The following NRG2 variants were observed in gnomAD, a reference collection of about 807,000 sequenced individuals.
NRG2 encodes neuregulin 2, also known as pro-neuregulin-2, membrane-bound isoform.
NRG2 carries 27 observed loss-of-function variants against 73.9 expected under a neutral mutation model. That is an observed-to-expected ratio of 0.37 (90% CI 0.27 to 0.50). The LOEUF is 0.50. Among genes scored for constraint, NRG2 ranks in the 20% least tolerant of loss-of-function variants. NRG2 has a pLI of 0.96. For missense variants in NRG2, 1,126 were observed against 1,210.1 expected (o/e 0.93, Z 1.03); for synonymous variants, 532 against 541.0 (o/e 0.98, Z 0.23).
At chr5:139,978,766 G>A (rs920079977) in intron 1 of NRG2, among the ~76,000 whole-genome samples, 61 of 151,900 alleles carry the variant, frequency 4.0e-4, no homozygotes, top group African/African-American at 1.2e-3. Context: ...TGGCACTATC[G>A]CAGCCACAAT....
At chr5:139,996,949 TG>T (rs1758060787) in intron 1 of NRG2, among the ~76,000 whole-genome samples, 1 of 152,136 alleles carries the variant, frequency 6.6e-6, no homozygotes, top group Non-Finnish European at 1.5e-5. Flanking sequence ...AAGACCAGCC[TG>T]GGCAACACAG....
chr5:139,964,607 T>C (rs890192284), intron 1 of NRG2, among the ~76,000 whole-genome samples: 6 of 152,094 alleles, frequency 3.9e-5, no homozygotes, highest in African/African-American at 1.2e-4. Context: ...GGGGAGTGTG[T>C]CCCAGATCTC....
At chr5:139,964,357 TACACACAC>T (rs71574473) in intron 1 of NRG2, among the ~76,000 whole-genome samples, 2,614 of 142,800 alleles carry the variant, frequency 0.018, 73 homozygotes, top group African/African-American at 0.063. Flanking sequence ...GAAATACAGA[TACACACAC>T]ACACACACAC....
intron 3 of NRG2, among the ~76,000 whole-genome samples, chr5:139,879,655 TG>T (rs1454066959): frequency 1.3e-5 from 2 of 152,060 alleles, no homozygotes; most frequent in Non-Finnish European, 2.9e-5. Context: ...TTCTATGGGG[TG>T]GGGAACATGA....
intron 1 of NRG2, among the ~76,000 whole-genome samples, chr5:140,016,477 A>T (rs1021456137): frequency 6.6e-6 from 1 of 152,216 alleles, no homozygotes; most frequent in Non-Finnish European, 1.5e-5. Flanking sequence ...GCTGTCATTC[A>T]TTCATAAAAT....
At chr5:139,861,242 T>G (rs1336994887) in intron 5 of NRG2, among the ~76,000 whole-genome samples, 3 of 152,206 alleles carry the variant, frequency 2.0e-5, no homozygotes, top group Non-Finnish European at 4.4e-5. Flanking sequence ...ACTCTCTGGC[T>G]TCCCCAGGTG....
intron 1 of NRG2, among the ~76,000 whole-genome samples, chr5:140,007,777 A>G (rs901375397): frequency 3.9e-5 from 6 of 152,208 alleles, no homozygotes; most frequent in Admixed American, 1.3e-4. Flanking sequence ...GAAGACAGAT[A>G]TTATGCCAGC....
intron 1 of NRG2, among the ~76,000 whole-genome samples, chr5:139,958,237 C>T (rs1382877071): frequency 6.6e-6 from 1 of 152,034 alleles, no homozygotes; most frequent in East Asian, 1.9e-4. Flanking sequence ...GATGTGTTCA[C>T]CTTGCTCTCA....
At position 139,887,361 on chromosome 5, in the gene NRG2, C is replaced by T. The variant is rs776469525; in HGVS notation, c.851G>A (p.Arg284His). The stretch of plus-strand genomic sequence containing the variant: ...TTACCTGCCGTTGCCATATTTGATG[C>T]GAATGTCTCGGCTGCGGTTGAGCTC... ...GKELNRSRDI[R>H]IKYGNGRKNS... Residue 284 changes from arginine to histidine, a missense_variant, in exon 2 of 10, where the codon CGC becomes CAC. Physicochemically the swap from Arg to His is conservative, Grantham distance 29. Coordinates refer to ENST00000361474, the MANE Select transcript of NRG2 (RefSeq NM_004883.3). This position sits in a 1 kb window ranked among gnomAD's most constrained non-coding sequence, Gnocchi z 4.5. 27 of 1,614,044 alleles carry T rather than the reference C, an allele frequency of 1.7e-5. No homozygotes were observed. The highest frequency in any genetic ancestry group is 9.9e-5 in the South Asian group (9 of 91,080).
chr5:139,962,924 T>C (rs1338248835), intron 1 of NRG2, among the ~76,000 whole-genome samples: 1 of 152,248 alleles, frequency 6.6e-6, no homozygotes, highest in Middle Eastern at 3.4e-3. Context: ...ACATATAACT[T>C]CTCTGGTTCA....
At chr5:139,888,444 T>G (rs1347216866) in intron 1 of NRG2, among the ~76,000 whole-genome samples, 1 of 152,204 alleles carries the variant, frequency 6.6e-6, no homozygotes, top group East Asian at 1.9e-4. Flanking sequence ...TCTGATTTTG[T>G]GGTCTTATTT....
Position 139,852,848 on chromosome 5 carries a change from G to A in NRG2, c.1416+56C>T. ...CCTGGCCCATCCTTGCAGGGGGCAT[G>A]AGAAGGCTGGCTGTCCACTGAGGGC... is the stretch of plus-strand genomic sequence containing the variant. On this transcript the variant is annotated intron_variant, in intron 7 of 9. Coordinates refer to ENST00000361474, the MANE Select transcript of NRG2 (RefSeq NM_004883.3). The surrounding 1 kb of genome is among the most constrained non-coding windows in gnomAD (Gnocchi z 4.4). 1.2e-6 allele frequency: 2 copies of A among 1,607,546 alleles called. No individual in the cohort carries two copies. The highest frequency in any genetic ancestry group is 2.2e-5 in the South Asian group (2 of 90,084).
chr5:139,977,757 C>T (rs1167492928), intron 1 of NRG2, among the ~76,000 whole-genome samples: 2 of 152,086 alleles, frequency 1.3e-5, no homozygotes, highest in Admixed American at 6.5e-5. Context: ...TATAGACCAA[C>T]GGAACAGAAC....
chr5:140,018,305 C>T (rs1252864709), intron 1 of NRG2, among the ~76,000 whole-genome samples: 1 of 152,022 alleles, frequency 6.6e-6, no homozygotes, highest in Non-Finnish European at 1.5e-5. Flanking sequence ...AATGTGGGGA[C>T]GTGATTGAAA....
rs1177673272 is a variant in NRG2, at chr5:139,852,570, C to G, written c.1417-11G>C. Reference sequence around the variant, plus strand: ...GTTCTTGGAAATATACTGGAACAGACAGAGTTGGGCGAGAGTTAGTGACTG... The same window carrying G: ...GTTCTTGGAAATATACTGGAACAGAGAGAGTTGGGCGAGAGTTAGTGACTG... On this transcript the variant is annotated splice_polypyrimidine_tract_variant and intron_variant, in intron 7 of 9. Transcript: ENST00000361474. The surrounding 1 kb of genome is among the most constrained non-coding windows in gnomAD (Gnocchi z 4.4). 6.2e-7 allele frequency: 1 copy of G among 1,612,160 alleles called. No homozygotes were observed. The highest frequency in any genetic ancestry group is 8.5e-7 in the Non-Finnish European group (1 of 1,179,030).
At chr5:139,928,129 C>G (rs1456788542) in intron 1 of NRG2, among the ~76,000 whole-genome samples, 1 of 152,192 alleles carries the variant, frequency 6.6e-6, no homozygotes, top group East Asian at 1.9e-4. Flanking sequence ...TACTATCAGT[C>G]AGCCCTTTCT....
At chr5:139,880,807 G>A (rs369715264) in intron 3 of NRG2, 49 bp downstream of exon 3, 234 of 1,482,816 alleles carry the variant, frequency 1.6e-4, no homozygotes, top group Non-Finnish European at 2.0e-4. Context: ...CCACTGGCCC[G>A]CCCTGCCAAA....
chr5:140,043,104 C>A lies in NRG2; in HGVS notation c.-35G>T, dbSNP rs1363087431. On this transcript the variant is annotated 5_prime_UTR_variant, in exon 1 of 10. Transcript: ENST00000361474. The surrounding 1 kb of genome is among the most constrained non-coding windows in gnomAD (Gnocchi z 6.7). ...CCATTTGGGGGGCTCCGCCGCTCAG[C>A]CGCCGCCGCCTTGGGAGGGGAAACA... is the stretch of plus-strand genomic sequence containing the variant. 1.3e-6 allele frequency: 2 copies of A among 1,555,826 alleles called. No individual in the cohort carries two copies. Among genetic ancestry groups the A allele is most frequent in the Non-Finnish European group, 1.7e-6 (2 of 1,159,014 alleles).
intron 3 of NRG2, 102 bp downstream of exon 3, chr5:139,880,749 GGAGTT>G: frequency 1.4e-6 from 1 of 722,076 alleles, no homozygotes; most frequent in Non-Finnish European, 2.4e-6. Flanking sequence ...AGGAGGGAGG[GGAGTT>G]GAGTGCGAGA....
Sources: gnomAD v4.1 joint callset for allele counts (sites outside exome capture counted in the v4.1 genomes callset) on GRCh38, gnomAD v4.1.1 for gene constraint, Gnocchi (gnomAD v3.1) non-coding constraint, MANE v1.5 for transcripts, NCBI Gene and HGNC (gene_info 2026-07-23, HGNC 2026-07-21) for gene names.